Variants in ADAMTS16 observed in about 807,000 individuals in gnomAD.
The protein encoded by ADAMTS16 is ADAM metallopeptidase with thrombospondin type 1 motif 16, also known as A disintegrin and metalloproteinase with thrombospondin motifs 16.
In ADAMTS16, 94 loss-of-function variants were observed where a neutral mutation model predicts 145.8. That is an observed-to-expected ratio of 0.64 (90% CI 0.55 to 0.77). ADAMTS16 has a LOEUF of 0.77. Among genes scored for constraint, ADAMTS16 ranks in the 30% least tolerant of loss-of-function variants. The pLI is 0.00. For synonymous variants in ADAMTS16, 659 were observed against 604.3 expected (o/e 1.09, Z -1.33); for missense variants, 1,585 against 1,591.5 (o/e 1.00, Z 0.07).
At chr5:5,255,392 A>G (rs2126416395) in intron 17 of ADAMTS16, among the ~76,000 whole-genome samples, 1 of 152,392 alleles carries the variant, frequency 6.6e-6, no homozygotes, top group African/African-American at 2.4e-5. Flanking sequence ...AGATTGAAAG[A>G]GTAAAGGCCA....
intron 3 of ADAMTS16, among the ~76,000 whole-genome samples, chr5:5,157,228 A>G (rs995624225): frequency 6.6e-6 from 1 of 152,032 alleles, no homozygotes; most frequent in Non-Finnish European, 1.5e-5. Flanking sequence ...TATAGAAACT[A>G]AATATATAAA....
chr5:5,237,404 G>A (rs879674080), intron 14 of ADAMTS16, among the ~76,000 whole-genome samples: 8 of 152,202 alleles, frequency 5.3e-5, no homozygotes, highest in Admixed American at 5.2e-4. Context: ...TGAGTTGGAA[G>A]AGGGATGTCA....
At chr5:5,169,754 T>C (rs2126540418) in intron 3 of ADAMTS16, among the ~76,000 whole-genome samples, 1 of 152,312 alleles carries the variant, frequency 6.6e-6, no homozygotes, top group East Asian at 1.9e-4. Context: ...GCCCAGTTTC[T>C]GCTGAGAGGG....
intron 10 of ADAMTS16, among the ~76,000 whole-genome samples, chr5:5,220,727 G>A (rs760038600): frequency 3.3e-5 from 5 of 152,020 alleles, no homozygotes; most frequent in African/African-American, 9.7e-5. Context: ...ACAAGTCCAC[G>A]ATTAGACGTT....
intron 21 of ADAMTS16, among the ~76,000 whole-genome samples, chr5:5,311,783 C>T (rs1047828706): frequency 1.3e-5 from 2 of 151,092 alleles, no homozygotes; most frequent in East Asian, 3.9e-4. Flanking sequence ...CAGGCCCAAT[C>T]TCGGCTCACT....
In ADAMTS16 at chr5:5,308,728, T is replaced by C. The variant is rs187572541; in HGVS notation, c.3411+2000T>C. On this transcript the variant is annotated intron_variant, in intron 21 of 22. Coordinates refer to ENST00000274181, the MANE Select transcript of ADAMTS16 (RefSeq NM_139056.4). ...CTTTGGGAGGCCGAGGCACGTGGAT[T>C]ACCTGAGGTCAGGAGTTTGAGACCA... is the stretch of plus-strand genomic sequence containing the variant. 2.7e-3 allele frequency among the ~76,000 whole-genome samples: 411 copies of C among 152,162 alleles called. 9 individuals are homozygous for C. Among genetic ancestry groups the C allele is most frequent in the Non-Finnish European group, 6.9e-4 (47 of 67,998 alleles).
intron 18 of ADAMTS16, among the ~76,000 whole-genome samples, chr5:5,296,925 G>A (rs1739561335): frequency 6.6e-6 from 1 of 152,210 alleles, no homozygotes; most frequent in Non-Finnish European, 1.5e-5. Context: ...GGCTCAATGG[G>A]TGGGTGTTGA....
chr5:5,222,788 G>A lies in ADAMTS16; in HGVS notation c.1606-1G>A. ...AATGACCTTTTACAAAATTTCTTTA[G>A]GACATCTGTAAAGCCCTGTGGTGCC... On this transcript the variant is annotated splice_acceptor_variant, in intron 10 of 22. Transcript: ENST00000274181. LOFTEE classifies it high-confidence loss of function. 2 of 1,613,604 alleles carry A rather than the reference G, an allele frequency of 1.2e-6. No individual in the cohort carries two copies. Among genetic ancestry groups the A allele is most frequent in the Non-Finnish European group, 1.7e-6 (2 of 1,179,660 alleles).
intron 17 of ADAMTS16, among the ~76,000 whole-genome samples, chr5:5,261,988 T>C (rs1738052588): frequency 6.6e-6 from 1 of 152,198 alleles, no homozygotes; most frequent in Non-Finnish European, 1.5e-5. Context: ...GAATTGACTA[T>C]TCCTGGTACC....
At chr5:5,272,881 G>A (rs1426692436) in intron 18 of ADAMTS16, among the ~76,000 whole-genome samples, 1 of 152,198 alleles carries the variant, frequency 6.6e-6, no homozygotes, top group African/African-American at 2.4e-5. Context: ...TCATGGGTGT[G>A]AGCCTCCAAG....
At chr5:5,311,112 A>G (rs1017739890) in intron 21 of ADAMTS16, among the ~76,000 whole-genome samples, 1 of 151,986 alleles carries the variant, frequency 6.6e-6, no homozygotes, top group Non-Finnish European at 1.5e-5. Flanking sequence ...GGACATTGAG[A>G]AGTGAGGGAC....
chr5:5,167,968 A>G (rs949642082), intron 3 of ADAMTS16, among the ~76,000 whole-genome samples: 1 of 152,258 alleles, frequency 6.6e-6, no homozygotes, highest in African/African-American at 2.4e-5. Flanking sequence ...TTAAATGTGC[A>G]TAGCCACATG....
chr5:5,204,248 C>T (rs1436307449), intron 9 of ADAMTS16, among the ~76,000 whole-genome samples: 1 of 152,170 alleles, frequency 6.6e-6, no homozygotes, highest in Non-Finnish European at 1.5e-5. Context: ...TGATTCACCA[C>T]TTAGAGTGGG....
rs762164586 is a variant in ADAMTS16, at chr5:5,262,742, C to G, written c.2748C>G (p.Val916=). The change falls in exon 18 of 23, where the codon GTC becomes GTG. Residue 916 remains valine, a synonymous_variant. Coordinates refer to ENST00000274181, the MANE Select transcript of ADAMTS16 (RefSeq NM_139056.4). ...MSFCNPKTRP[V]TGLVPCKVSA... ...TCTGCAATCCCAAGACACGACCTGT[C>G]ACGGGGCTGGTGCCTTGCAAAGTAT... The G allele has an allele frequency of 1.9e-6, 3 of 1,614,220 alleles. No homozygotes were observed. Among genetic ancestry groups the G allele is most frequent in the Non-Finnish European group, 2.5e-6 (3 of 1,180,042 alleles).
intron 3 of ADAMTS16, among the ~76,000 whole-genome samples, chr5:5,149,332 G>A (rs1468800599): frequency 6.7e-6 from 1 of 149,224 alleles, no homozygotes; most frequent in Non-Finnish European, 1.5e-5. Context: ...ACATAAATGT[G>A]TGTCACTCAG....
At chr5:5,318,525 C>G (rs1734148951) in intron 22 of ADAMTS16, among the ~76,000 whole-genome samples, 1 of 152,136 alleles carries the variant, frequency 6.6e-6, no homozygotes, top group Middle Eastern at 3.2e-3. Flanking sequence ...CAATGCTGTT[C>G]ACTATATTTA....
At chr5:5,257,635 A>G (rs1737836866) in intron 17 of ADAMTS16, among the ~76,000 whole-genome samples, 1 of 152,228 alleles carries the variant, frequency 6.6e-6, no homozygotes, top group African/African-American at 2.4e-5. Context: ...GCCGGACATG[A>G]GCTGTTTTTA....
chr5:5,304,693 A>T (rs1171235546), intron 20 of ADAMTS16, among the ~76,000 whole-genome samples: 1 of 152,118 alleles, frequency 6.6e-6, no homozygotes, highest in Admixed American at 6.5e-5. Context: ...ACTCTGTTTC[A>T]GTTTGTTACT....
rs1331027347 is a variant in ADAMTS16, at chr5:5,319,365, A to T, written c.*227A>T. ...GTCTCCTGTCAGGCTGAAATGTGGC[A>T]CCCTGGCAGACAGAGCTGTGGCTCG... On this transcript the variant is annotated 3_prime_UTR_variant, in exon 23 of 23. Coordinates refer to ENST00000274181, the MANE Select transcript of ADAMTS16 (RefSeq NM_139056.4). The T allele has an allele frequency of 1.9e-6, 1 of 526,208 alleles. No individual in the cohort carries two copies. Among genetic ancestry groups the T allele is most frequent in the East Asian group, 3.3e-5 (1 of 29,982 alleles). 32.6% of individuals were successfully genotyped at this position (526,208 alleles called of 1,614,324 possible).
Sources: gnomAD v4.1 joint callset for allele counts (sites outside exome capture counted in the v4.1 genomes callset) on GRCh38, gnomAD v4.1.1 for gene constraint, MANE v1.5 for transcripts, NCBI Gene and HGNC (gene_info 2026-07-23, HGNC 2026-07-21) for gene names.